GRID2IP: variants seen among roughly 807,000 people sequenced by gnomAD.
The protein encoded by GRID2IP is delphilin.
A neutral mutation model predicts 114.3 loss-of-function variants in GRID2IP; 78 were observed. That is an observed-to-expected ratio of 0.68 (90% CI 0.57 to 0.82). The LOEUF (loss-of-function observed/expected upper bound fraction) is 0.82. Ranked by LOEUF, GRID2IP falls within the 40% of genes least tolerant of loss-of-function variation. The probability of loss-of-function intolerance (pLI) is 0.00; values close to 1 mark genes in which losing one functional copy is unlikely to be tolerated. For synonymous variants in GRID2IP, 809 were observed against 724.0 expected (o/e 1.12, Z -1.89); for missense variants, 1,727 against 1,678.5 (o/e 1.03, Z -0.51).
intron 15 of GRID2IP, 41 bp from the exon 16 acceptor site, chr7:6,503,728 C>A (rs1278752965): frequency 2.9e-6 from 4 of 1,364,538 alleles, no homozygotes; most frequent in South Asian, 1.5e-5. Flanking sequence ...GGGGCCGGAG[C>A]GGGGCCGGAT....
chr7:6,502,893 A>T (rs1264135518), intron 17 of GRID2IP, 21 bp from the exon 18 acceptor site: 8 of 1,544,748 alleles, frequency 5.2e-6, no homozygotes, highest in Non-Finnish European at 5.3e-6. Context: ...GAAGGTGGGT[A>T]GGTCCTGTCC....
At position 6,544,884 on chromosome 7, in the gene GRID2IP, A is replaced by T. The variant is rs1779864811; in HGVS notation, c.430-5012T>A. Reference sequence around the variant, plus strand: ...ATCACAAGGTCAGGAGATCGAGACCATCCCAACTGACACGGTGAAACCCCG... The same window carrying T: ...ATCACAAGGTCAGGAGATCGAGACCTTCCCAACTGACACGGTGAAACCCCG... On this transcript the variant is annotated intron_variant, in intron 1 of 21. Coordinates refer to ENST00000457091, the MANE Select transcript of GRID2IP (RefSeq NM_001145118.2). Among the ~76,000 whole-genome samples the T allele has an allele frequency of 2.6e-5, 4 of 151,788 alleles. No individual in the cohort carries two copies. The South Asian group carries it at 8.3e-4, about 32-fold the overall frequency.
At chr7:6,522,283 T>C (rs1251919954) in intron 4 of GRID2IP, among the ~76,000 whole-genome samples, 1 of 152,124 alleles carries the variant, frequency 6.6e-6, no homozygotes, top group African/African-American at 2.4e-5. Flanking sequence ...GTCTCTGATC[T>C]CAGCTGCTCT....
intron 7 of GRID2IP, among the ~76,000 whole-genome samples, chr7:6,515,907 G>A (rs1251002399): frequency 1.3e-5 from 2 of 151,878 alleles, no homozygotes; most frequent in African/African-American, 2.4e-5. Flanking sequence ...GACCAGTCTG[G>A]CCAACGTGGT....
intron 20 of GRID2IP, among the ~76,000 whole-genome samples, chr7:6,499,641 G>C (rs1786358250): frequency 6.6e-6 from 1 of 152,078 alleles, no homozygotes; most frequent in Non-Finnish European, 1.5e-5. Context: ...ATGTTGGCCA[G>C]GCTGGTCCCA....
chr7:6,503,435 G>T, intron 16 of GRID2IP, 56 bp downstream of exon 16: 1 of 1,432,792 alleles, frequency 7.0e-7, no homozygotes, highest in Non-Finnish European at 9.1e-7. Context: ...CCTGGCCACA[G>T]CGACAGCCCC....
intron 19 of GRID2IP, 27 bp from the exon 20 acceptor site, chr7:6,501,926 T>G: frequency 1.9e-6 from 3 of 1,550,560 alleles, no homozygotes; most frequent in Non-Finnish European, 2.6e-6. Context: ...AGGGGCTGCA[T>G]GGGGCCACTC....
At chr7:6,505,066 G>A (rs1177951362) in intron 14 of GRID2IP, among the ~76,000 whole-genome samples, 196 bp from the exon 15 acceptor site, 1 of 152,174 alleles carries the variant, frequency 6.6e-6, no homozygotes, top group African/African-American at 2.4e-5. Context: ...CCCGCCCCGT[G>A]TCCTGTGCAC....
rs1224246394 is a variant in GRID2IP, at chr7:6,521,449, C to G, written c.1064G>C (p.Gly355Ala). ...GAMPTLVVEE[G>A]LVPFASDSDS... ...CTCACCACTGGCAAATGGGACGAGC[C>G]CTTCCTCCACCACCAGCGTGGGCAT... The change falls in exon 6 of 22, where the codon GGG (glycine) becomes GCG (alanine). Residue 355 changes from glycine to alanine, a missense_variant. Coordinates refer to ENST00000457091, the MANE Select transcript of GRID2IP (RefSeq NM_001145118.2). The surrounding 1 kb of genome is among the most constrained non-coding windows in gnomAD (Gnocchi z 4.1). 5 of 1,547,740 alleles carry G rather than the reference C, an allele frequency of 3.2e-6. No homozygotes were observed. The highest frequency in any genetic ancestry group is 4.4e-6 in the Non-Finnish European group (5 of 1,145,188).
chr7:6,504,930 CA>C (rs1465826605), intron 14 of GRID2IP, 60 bp from the exon 15 acceptor site: 11 of 1,430,012 alleles, frequency 7.7e-6, no homozygotes, highest in African/African-American at 1.4e-5. Flanking sequence ...TGGGAAGGCC[CA>C]GGGGTGGCGT....
At chr7:6,545,848 C>T (rs1193466410) in intron 1 of GRID2IP, among the ~76,000 whole-genome samples, 1 of 152,210 alleles carries the variant, frequency 6.6e-6, no homozygotes, top group Non-Finnish European at 1.5e-5. Context: ...CAGCCGCCCC[C>T]TCCCCACGCA....
chr7:6,510,625 G>T lies in GRID2IP; in HGVS notation c.1637C>A (p.Thr546Asn), dbSNP rs746249902. Residue 546 changes from threonine to asparagine, a missense_variant, in exon 10 of 22, where the codon ACC becomes AAC. Transcript: ENST00000457091. ...AGGTCTCACCATCTTGGGGTTGGGG[G>T]TCTCAGGGAGGGACGTGCCGTCGCC... ...QAGDGTSLPE[T>N]PNPKMMSAVY... 6.5e-7 allele frequency: 1 copy of T among 1,536,050 alleles called. No individual in the cohort carries two copies. The highest frequency in any genetic ancestry group is 8.8e-7 in the Non-Finnish European group (1 of 1,142,020).
intron 4 of GRID2IP, among the ~76,000 whole-genome samples, chr7:6,525,303 G>T (rs149208077): frequency 6.6e-6 from 1 of 151,680 alleles, no homozygotes; most frequent in African/African-American, 2.4e-5. Context: ...GCAAAACTCT[G>T]TCTCAAAAAA....
At chr7:6,542,234 G>A (rs939107603) in intron 1 of GRID2IP, among the ~76,000 whole-genome samples, 1 of 146,364 alleles carries the variant, frequency 6.8e-6, no homozygotes, top group Non-Finnish European at 1.5e-5. Flanking sequence ...GAACCCAGGA[G>A]TCGGAGGTTG....
In GRID2IP at chr7:6,509,216, G is replaced by C; in HGVS notation, c.1869C>G (p.Ser623Arg). 6.7e-7 allele frequency: 1 copy of C among 1,499,082 alleles called. No homozygotes were observed. The highest frequency in any genetic ancestry group is 8.9e-7 in the Non-Finnish European group (1 of 1,122,104). The allele number at this position is 1,499,082 out of a possible 1,614,324, so 92.9% of individuals were successfully genotyped here. A position where few individuals can be genotyped will look rare whatever the true frequency, so the allele number is the denominator to read the frequency against. The change falls in exon 12 of 22, where the codon AGC becomes AGG. Residue 623 changes from serine (S) to arginine (R), a missense_variant. Transcript: ENST00000457091. The surrounding 1 kb of genome is among the most constrained non-coding windows in gnomAD (Gnocchi z 4.9). ...PLCSGGLASP[S>R]SSESHPYASL... ...TGGCGTAGGGGTGGGACTCAGAGCT[G>C]CTGGGGGAGGCCAGACCCCCCGAAC...
In GRID2IP at chr7:6,506,807, G is replaced by A. The variant is rs1380529216; in HGVS notation, c.2545-900C>T. Among the ~76,000 whole-genome samples, 5 of 151,244 alleles carry A rather than the reference G, an allele frequency of 3.3e-5. No individual in the cohort carries two copies. Among genetic ancestry groups the A allele is most frequent in the African/African-American group, 7.3e-5 (3 of 41,102 alleles). On this transcript the variant is annotated intron_variant, in intron 13 of 21. Coordinates refer to ENST00000457091, the MANE Select transcript of GRID2IP (RefSeq NM_001145118.2). This position sits in a 1 kb window ranked among gnomAD's most constrained non-coding sequence, Gnocchi z 5.2. ...AGTGATTCTCCCTCTTCAGCCTCCC[G>A]AGTAGCTGGGACCACAGGCATGCAC...
chr7:6,540,407 C>T lies in GRID2IP; in HGVS notation c.430-535G>A, dbSNP rs962409003. Among the ~76,000 whole-genome samples the T allele has an allele frequency of 7.0e-4, 106 of 152,038 alleles. 1 individual carries two copies. Among genetic ancestry groups the T allele is most frequent in the African/African-American group, 2.0e-3 (85 of 41,488 alleles). On this transcript the variant is annotated intron_variant, in intron 1 of 21. Coordinates refer to ENST00000457091, the MANE Select transcript of GRID2IP (RefSeq NM_001145118.2). ...GATTACAAGCGTGAGCCACCGCGGC[C>T]GGCCATATCATGCCATTTCTAACCA...
At chr7:6,504,182 G>C (rs1045455832) in intron 15 of GRID2IP, among the ~76,000 whole-genome samples, 6 of 151,100 alleles carry the variant, frequency 4.0e-5, no homozygotes, top group African/African-American at 1.2e-4. Context: ...CGGGTGGAAA[G>C]AGGGCGGGGC....
chr7:6,523,259 T>A lies in GRID2IP; in HGVS notation c.920-1302A>T, dbSNP rs1217848708. On this transcript the variant is annotated intron_variant, in intron 4 of 21. Transcript: ENST00000457091. This position sits in a 1 kb window ranked among gnomAD's most constrained non-coding sequence, Gnocchi z 4.5. ...AAGAGAGGGAACAATTAGGGAAGACTTCCCGGGAGAGGCGAGATGGGGGAA... is the reference window on the plus strand; with the variant it reads ...AAGAGAGGGAACAATTAGGGAAGACATCCCGGGAGAGGCGAGATGGGGGAA... Among the ~76,000 whole-genome samples the A allele has an allele frequency of 6.6e-6, 1 of 152,144 alleles. No homozygotes were observed.
Sources: allele counts gnomAD v4.1 joint callset (sites outside exome capture counted in the v4.1 genomes callset), GRCh38; gene constraint gnomAD v4.1.1; non-coding constraint Gnocchi (gnomAD v3.1); transcripts MANE v1.5; gene names NCBI Gene and HGNC (gene_info 2026-07-23, HGNC 2026-07-21).